EXT1: variants seen among roughly 807,000 people sequenced by gnomAD.
EXT1 encodes exostosin glycosyltransferase 1.
Under a neutral mutation model 82.5 loss-of-function variants are expected in EXT1, and 20 were observed. The observed-to-expected ratio is 0.24, with a 90% CI of 0.17 to 0.35. The LOEUF (loss-of-function observed/expected upper bound fraction) is 0.35. Among genes scored for constraint, EXT1 ranks in the 10% least tolerant of loss-of-function variants. The pLI is 1.00. For synonymous variants in EXT1, 348 were observed against 350.8 expected (o/e 0.99, Z 0.09); for missense variants, 757 against 936.5 (o/e 0.81, Z 2.50).
chr8:118,021,093 C>T (rs1020514204), intron 1 of EXT1, among the ~76,000 whole-genome samples: 2 of 152,160 alleles, frequency 1.3e-5, no homozygotes, highest in Non-Finnish European at 2.9e-5. Context: ...GAAGCTTACA[C>T]ATTAAAATTT....
Position 118,110,187 on chromosome 8 carries a change from T to C in EXT1, c.860A>G (p.His287Arg), listed in dbSNP as rs1817869383. The C allele has an allele frequency of 6.2e-7, 1 of 1,614,244 alleles. No individual in the cohort carries two copies. Among genetic ancestry groups the C allele is most frequent in the Non-Finnish European group, 8.5e-7 (1 of 1,180,038 alleles). Residue 287 changes from histidine (H) to arginine (R), a missense_variant, in exon 1 of 11, where the codon CAT (histidine) becomes CGT (arginine). Physicochemically the swap from His to Arg is conservative, Grantham distance 29. This residue lies in a region of EXT1 where 247 missense variants were observed against 330.1 expected (regional missense o/e 0.75). Coordinates refer to ENST00000378204, the MANE Select transcript of EXT1 (RefSeq NM_000127.3). The part of the protein sequence containing the change: ...SDTRNALYHV[H>R]NGEDVVLLTT... The stretch of plus-strand genomic sequence containing the variant: ...GAGGAGCACAACGTCCTCCCCGTTA[T>C]GGACGTGATATAAGGCATTCCTGGT...
chr8:117,956,360 G>C (rs1814586045), intron 1 of EXT1, among the ~76,000 whole-genome samples: 1 of 152,078 alleles, frequency 6.6e-6, no homozygotes, highest in Non-Finnish European at 1.5e-5. Context: ...GGAAGACTCT[G>C]ACTACCATTC....
intron 1 of EXT1, among the ~76,000 whole-genome samples, chr8:118,082,983 A>G (rs781495701): frequency 1.3e-5 from 2 of 152,132 alleles, no homozygotes; most frequent in Non-Finnish European, 1.5e-5. Context: ...CAGTTTCTCA[A>G]TCTCTGTCAC....
At chr8:117,995,534 A>C (rs780135504) in intron 1 of EXT1, among the ~76,000 whole-genome samples, 1 of 152,084 alleles carries the variant, frequency 6.6e-6, no homozygotes, top group Non-Finnish European at 1.5e-5. Flanking sequence ...GTAGCTGTAC[A>C]GTGCTCTTTT....
chr8:118,103,411 C>G (rs959167766), intron 1 of EXT1, among the ~76,000 whole-genome samples: 2 of 152,172 alleles, frequency 1.3e-5, no homozygotes, highest in African/African-American at 4.8e-5. Context: ...CTTAGCCTTC[C>G]AAAGTGCTGG....
intron 1 of EXT1, among the ~76,000 whole-genome samples, chr8:118,056,553 C>T (rs539880279): frequency 8.2e-4 from 125 of 152,212 alleles, no homozygotes; most frequent in Non-Finnish European, 1.4e-3. Context: ...TTCACACATG[C>T]GGGCAAGTCT....
intron 1 of EXT1, among the ~76,000 whole-genome samples, chr8:118,065,479 T>G (rs1329541379): frequency 6.6e-6 from 1 of 152,188 alleles, no homozygotes. Context: ...ACACCATGAT[T>G]TCACAAAGTT....
intron 8 of EXT1, among the ~76,000 whole-genome samples, chr8:117,808,497 C>T (rs1173994845): frequency 1.3e-5 from 2 of 152,236 alleles, no homozygotes; most frequent in African/African-American, 4.8e-5. Context: ...CAAAACTTCT[C>T]TTTTGGCTCT....
At chr8:117,933,454 C>A (rs1281932235) in intron 1 of EXT1, among the ~76,000 whole-genome samples, 1 of 152,130 alleles carries the variant, frequency 6.6e-6, no homozygotes, top group East Asian at 1.9e-4. Context: ...CCATGTTAGG[C>A]AGGCTGTTCT....
intron 1 of EXT1, among the ~76,000 whole-genome samples, chr8:117,975,106 G>A (rs1002445815): frequency 6.6e-6 from 1 of 152,330 alleles, no homozygotes; most frequent in East Asian, 1.9e-4. Context: ...ATTGATTTCT[G>A]AGTTCTGGGA....
At chr8:118,107,482 C>T (rs926158663) in intron 1 of EXT1, among the ~76,000 whole-genome samples, 21 of 152,160 alleles carry the variant, frequency 1.4e-4, no homozygotes, top group African/African-American at 4.8e-4. Flanking sequence ...ACACAGATCA[C>T]GTCTACAGAC....
chr8:117,867,445 A>G (rs1812794311), intron 1 of EXT1, among the ~76,000 whole-genome samples: 1 of 152,142 alleles, frequency 6.6e-6, no homozygotes, highest in Non-Finnish European at 1.5e-5. Flanking sequence ...CATGGAGACA[A>G]ACCAATTAGT....
intron 1 of EXT1, among the ~76,000 whole-genome samples, chr8:118,100,387 TCCCAG>T (rs925752673): frequency 3.9e-5 from 6 of 152,166 alleles, no homozygotes; most frequent in Admixed American, 3.9e-4. Context: ...GAGGGAGGCT[TCCCAG>T]TAGCTGAGCT....
intron 1 of EXT1, among the ~76,000 whole-genome samples, chr8:118,015,463 A>G (rs1173784439): frequency 6.6e-6 from 1 of 152,114 alleles, no homozygotes; most frequent in Non-Finnish European, 1.5e-5. Context: ...AATAATTTGG[A>G]AAAAAAATTC....
At chr8:117,939,579 AAAAAAAAG>A (rs1814234555) in intron 1 of EXT1, among the ~76,000 whole-genome samples, 1 of 151,236 alleles carries the variant, frequency 6.6e-6, no homozygotes, top group African/African-American at 2.4e-5. Flanking sequence ...CTGAAAAAAA[AAAAAAAAG>A]AAAAAGAAAA....
chr8:117,910,440 A>T (rs1426999539), intron 1 of EXT1, among the ~76,000 whole-genome samples: 1 of 152,218 alleles, frequency 6.6e-6, no homozygotes, highest in Non-Finnish European at 1.5e-5. Flanking sequence ...CACAGCTTAC[A>T]GACACAACAA....
chr8:117,964,174 A>G (rs975386924), intron 1 of EXT1, among the ~76,000 whole-genome samples: 8 of 152,344 alleles, frequency 5.3e-5, no homozygotes, highest in African/African-American at 1.4e-4. Flanking sequence ...ATCTTTAAAG[A>G]TAACAATGTA....
At chr8:117,870,658 G>C (rs2129890665) in intron 1 of EXT1, among the ~76,000 whole-genome samples, 1 of 152,238 alleles carries the variant, frequency 6.6e-6, no homozygotes, top group Non-Finnish European at 1.5e-5. Context: ...ACTTGCTCCA[G>C]AGTAGGAGGC....
At chr8:117,809,261 T>A (rs1823284429) in intron 8 of EXT1, among the ~76,000 whole-genome samples, 1 of 124,062 alleles carries the variant, frequency 8.1e-6, no homozygotes, top group South Asian at 2.4e-4. Flanking sequence ...CTATTGATTC[T>A]GTTTGCCTGA....
Sources: gnomAD v4.1 joint callset for allele counts (sites outside exome capture counted in the v4.1 genomes callset) on GRCh38, gnomAD v4.1.1 for gene constraint, gnomAD v4.1.1 regional missense constraint, MANE v1.5 for transcripts, NCBI Gene and HGNC (gene_info 2026-07-23, HGNC 2026-07-21) for gene names.